Variants in ANKRD30BL observed in about 807,000 individuals in gnomAD.
ANKRD30BL encodes the protein ankyrin repeat domain 30B like, also known as putative ankyrin repeat domain-containing protein 30B-like.
In ANKRD30BL, 20 loss-of-function variants were observed where a neutral mutation model predicts 18.4. The observed-to-expected ratio is 1.09, with a 90% confidence interval of 0.77 to 1.58. The LOEUF is 1.58. ANKRD30BL is among the 40% of genes most tolerant of loss of function. ANKRD30BL has a pLI of 0.00. For missense variants in ANKRD30BL, 224 were observed against 268.6 expected, an observed-to-expected ratio of 0.83 and a Z score of 1.16; for synonymous variants, 72 against 100.9, an observed-to-expected ratio of 0.71 and a Z score of 1.72.
intron 1 of ANKRD30BL, among the ~76,000 whole-genome samples, chr2:132,229,244 C>A (rs199523203): frequency 6.6e-6 from 1 of 151,722 alleles, no homozygotes; most frequent in Non-Finnish European, 1.5e-5. Flanking sequence ...GTGGACCTTT[C>A]GAGTGCCTTC....
intron 1 of ANKRD30BL, among the ~76,000 whole-genome samples, chr2:132,249,565 G>T (rs1680595210): frequency 6.6e-6 from 1 of 151,304 alleles, no homozygotes; most frequent in Non-Finnish European, 1.5e-5. Flanking sequence ...TCAGAAGAAT[G>T]GTTCAACTCT....
chr2:132,221,126 C>G (rs1385573903), intron 1 of ANKRD30BL, among the ~76,000 whole-genome samples: 1 of 148,192 alleles, frequency 6.7e-6, no homozygotes, highest in African/African-American at 2.6e-5. Context: ...CTCCGTCCAG[C>G]AGCCACCCCG....
intron 1 of ANKRD30BL, among the ~76,000 whole-genome samples, chr2:132,252,085 T>C (rs1299784963): frequency 1.3e-5 from 2 of 152,216 alleles, no homozygotes; most frequent in Non-Finnish European, 2.9e-5. Flanking sequence ...TTGTGAATAT[T>C]ACTCATATTA....
intron 1 of ANKRD30BL, among the ~76,000 whole-genome samples, chr2:132,172,139 T>C (rs1260241722): frequency 6.6e-6 from 1 of 152,216 alleles, no homozygotes; most frequent in East Asian, 1.9e-4. Flanking sequence ...AACATTTGAG[T>C]TGCTTCCTGC....
At chr2:132,228,903 T>G (rs200129289) in intron 1 of ANKRD30BL, among the ~76,000 whole-genome samples, 1 of 150,396 alleles carries the variant, frequency 6.6e-6, no homozygotes, top group African/African-American at 2.5e-5. Flanking sequence ...GTGGACATTT[T>G]GAAGGCTTTG....
chr2:132,200,445 G>T (rs1236282452), intron 1 of ANKRD30BL, among the ~76,000 whole-genome samples: 1 of 152,038 alleles, frequency 6.6e-6, no homozygotes, highest in Non-Finnish European at 1.5e-5. Flanking sequence ...CTTCAGCAAA[G>T]TCTCAGGATA....
At chr2:132,159,287 G>T (rs1332676203) in intron 1 of ANKRD30BL, among the ~76,000 whole-genome samples, 1 of 152,036 alleles carries the variant, frequency 6.6e-6, no homozygotes, top group Non-Finnish European at 1.5e-5. Flanking sequence ...ATTTATAAAA[G>T]TCATTATATG....
At chr2:132,252,200 T>A (rs989200544) in intron 1 of ANKRD30BL, among the ~76,000 whole-genome samples, 18 of 152,236 alleles carry the variant, frequency 1.2e-4, no homozygotes, top group African/African-American at 3.9e-4. Flanking sequence ...CAATTGATGT[T>A]AACGATGCTA....
chr2:132,174,970 T>A (rs1290001640), intron 1 of ANKRD30BL, among the ~76,000 whole-genome samples: 6 of 152,140 alleles, frequency 3.9e-5, no homozygotes, highest in Non-Finnish European at 2.9e-5. Context: ...ATACAAACAT[T>A]AGCCCCAAAT....
intron 1 of ANKRD30BL, among the ~76,000 whole-genome samples, chr2:132,243,584 A>T (rs1014388081): frequency 6.6e-6 from 1 of 151,788 alleles, no homozygotes; most frequent in African/African-American, 2.4e-5. Flanking sequence ...ACTAGACAGA[A>T]GCATTCTCAG....
At chr2:132,188,410 TAG>T (rs1253786542) in intron 1 of ANKRD30BL, among the ~76,000 whole-genome samples, 2 of 152,184 alleles carry the variant, frequency 1.3e-5, no homozygotes, top group African/African-American at 4.8e-5. Flanking sequence ...TGGTAGAATT[TAG>T]GAGTTAAAAA....
intron 1 of ANKRD30BL, among the ~76,000 whole-genome samples, chr2:132,171,136 CAG>C (rs1688273331): frequency 7.3e-6 from 1 of 136,736 alleles, no homozygotes; most frequent in Non-Finnish European, 1.5e-5. Context: ...GCCTGGGAGA[CAG>C]AGCCAGACTC....
chr2:132,167,351 G>A (rs1405743129), intron 1 of ANKRD30BL, among the ~76,000 whole-genome samples: 17 of 127,940 alleles, frequency 1.3e-4, no homozygotes, highest in South Asian at 2.4e-4. Context: ...TTTTGAGATA[G>A]AGCCTCACTC....
chr2:132,157,659 T>A (rs1470056529), intron 1 of ANKRD30BL, among the ~76,000 whole-genome samples: 2 of 152,202 alleles, frequency 1.3e-5, no homozygotes, highest in African/African-American at 4.8e-5. Flanking sequence ...AACTTGGGCT[T>A]GAATATTACT....
At chr2:132,157,719 T>G (rs1687948705) in intron 1 of ANKRD30BL, among the ~76,000 whole-genome samples, 1 of 152,172 alleles carries the variant, frequency 6.6e-6, no homozygotes, top group Non-Finnish European at 1.5e-5. Flanking sequence ...TGCCTCAATT[T>G]TCTCATCAAT....
At chr2:132,183,975 C>T (rs960947917) in intron 1 of ANKRD30BL, among the ~76,000 whole-genome samples, 1 of 151,950 alleles carries the variant, frequency 6.6e-6, no homozygotes, top group Non-Finnish European at 1.5e-5. Context: ...AGAGGGCAGG[C>T]ACCAACAGTA....
intron 1 of ANKRD30BL, among the ~76,000 whole-genome samples, chr2:132,209,733 T>C (rs576720216): frequency 1.3e-5 from 2 of 152,202 alleles, no homozygotes; most frequent in Admixed American, 6.6e-5. Context: ...CTTTGTGATG[T>C]GTGCATTCAA....
At chr2:132,195,673 C>T (rs1678948737) in intron 1 of ANKRD30BL, among the ~76,000 whole-genome samples, 1 of 151,092 alleles carries the variant, frequency 6.6e-6, no homozygotes, top group Non-Finnish European at 1.5e-5. Flanking sequence ...TGCTTGTAAT[C>T]CCAGCTACTC....
intron 1 of ANKRD30BL, among the ~76,000 whole-genome samples, chr2:132,232,869 A>G (rs112992440): frequency 1.2e-4 from 19 of 152,084 alleles, no homozygotes; most frequent in Non-Finnish European, 2.5e-4. Flanking sequence ...GAGCAACTCC[A>G]AGACACATAA....
Sources: allele counts gnomAD v4.1 joint callset (sites outside exome capture counted in the v4.1 genomes callset), GRCh38; gene constraint gnomAD v4.1.1; transcripts MANE v1.5; gene names NCBI Gene and HGNC (gene_info 2026-07-23, HGNC 2026-07-21).